NUDT3: variants seen among roughly 807,000 people sequenced by gnomAD.
NUDT3 encodes nudix hydrolase 3.
NUDT3 carries 9 observed loss-of-function variants against 23.6 expected under a neutral mutation model. That is an observed-to-expected ratio of 0.38 (90% CI 0.23 to 0.66). The LOEUF is 0.66. Among genes scored for constraint, NUDT3 ranks in the 30% least tolerant of loss-of-function variants. The pLI is 0.52. For missense variants in NUDT3, 172 were observed against 218.5 expected (o/e 0.79, Z 1.34); for synonymous variants, 86 against 82.6 (o/e 1.04, Z -0.22).
Position 34,281,851 on chromosome 6 carries a change from G to A in NUDT3, c.*6902C>T, listed in dbSNP as rs1024926538. On this transcript the variant is annotated 3_prime_UTR_variant, in exon 5 of 5. Coordinates refer to ENST00000607016, the MANE Select transcript of NUDT3 (RefSeq NM_006703.4). ...CCCAGTCACGAGGGATGGGGTGAGC[G>A]GGCAGGTTTCTGTCTGTGAGCTATA... 1.3e-5 allele frequency: 2 copies of A among 152,170 alleles called. No individual in the cohort carries two copies. Among genetic ancestry groups the A allele is most frequent in the African/African-American group, 2.4e-5 (1 of 41,420 alleles). The allele number at this position is 152,170 out of a possible 1,614,324, so 9.4% of individuals were successfully genotyped here.
intron 1 of NUDT3, among the ~76,000 whole-genome samples, chr6:34,363,344 T>C (rs1764677624): frequency 6.6e-6 from 1 of 152,168 alleles, no homozygotes; most frequent in African/African-American, 2.4e-5. Flanking sequence ...TTTAGTCACT[T>C]TCACTCAAGG....
At chr6:34,384,893 G>A (rs1382497248) in intron 1 of NUDT3, among the ~76,000 whole-genome samples, 1 of 151,932 alleles carries the variant, frequency 6.6e-6, no homozygotes, top group Non-Finnish European at 1.5e-5. Flanking sequence ...GCTGGGCAAG[G>A]TGGCAGGCAC....
chr6:34,353,256 C>T (rs192616949), intron 1 of NUDT3, among the ~76,000 whole-genome samples: 55 of 151,944 alleles, frequency 3.6e-4, no homozygotes, highest in African/African-American at 1.2e-3. Context: ...TTCTGAGAGC[C>T]CCTTCCTTTT....
intron 1 of NUDT3, among the ~76,000 whole-genome samples, chr6:34,345,422 GGGA>G (rs1764351485): frequency 6.6e-6 from 1 of 151,722 alleles, no homozygotes; most frequent in Non-Finnish European, 1.5e-5. Context: ...CCAGCACTTA[GGGA>G]GGTCGAGGCG....
chr6:34,329,668 ATACTT>A (rs977452082), intron 2 of NUDT3, among the ~76,000 whole-genome samples: 6 of 152,138 alleles, frequency 3.9e-5, no homozygotes, highest in African/African-American at 1.4e-4. Flanking sequence ...TTTTTTTATT[ATACTT>A]TAAGTTCTAG....
intron 2 of NUDT3, among the ~76,000 whole-genome samples, chr6:34,324,386 C>T (rs1054464448): frequency 2.0e-5 from 3 of 151,458 alleles, no homozygotes; most frequent in African/African-American, 7.3e-5. Flanking sequence ...AGAATAAGAG[C>T]CTTGTTTAGA....
chr6:34,284,539 T>G lies in NUDT3; in HGVS notation c.*4214A>C, dbSNP rs931642677. 8 of 151,846 alleles carry G rather than the reference T, an allele frequency of 5.3e-5. No homozygotes were observed. Among genetic ancestry groups the G allele is most frequent in the South Asian group, 2.1e-4 (1 of 4,816 alleles). The allele number at this position is 151,846 out of a possible 1,614,324, so 9.4% of individuals were successfully genotyped here. Reference sequence around the variant, plus strand: ...TGTGGCTTAGGCTAAGCTGTTTTTTTTTTTTTTTTTTTAAAGATGAGGATG... The same window carrying G: ...TGTGGCTTAGGCTAAGCTGTTTTTTGTTTTTTTTTTTTAAAGATGAGGATG... On this transcript the variant is annotated 3_prime_UTR_variant, in exon 5 of 5. Coordinates refer to ENST00000607016, the MANE Select transcript of NUDT3 (RefSeq NM_006703.4).
chr6:34,320,384 G>A (rs368684571), intron 2 of NUDT3, among the ~76,000 whole-genome samples: 7 of 151,962 alleles, frequency 4.6e-5, no homozygotes, highest in African/African-American at 1.4e-4. Context: ...CTGCCACCAC[G>A]CCCAGCTGAT....
At chr6:34,316,188 G>GT (rs1462194869) in intron 2 of NUDT3, among the ~76,000 whole-genome samples, 2 of 152,040 alleles carry the variant, frequency 1.3e-5, no homozygotes, top group Non-Finnish European at 2.9e-5. Context: ...TTTTGAGAGT[G>GT]TTTTTATGGC....
chr6:34,347,155 C>G (rs116527172), intron 1 of NUDT3, among the ~76,000 whole-genome samples: 2,204 of 152,220 alleles, frequency 0.014, 20 homozygotes, highest in Non-Finnish European at 0.021. Context: ...AATTCTTATT[C>G]TGAAGTTTGA....
intron 2 of NUDT3, among the ~76,000 whole-genome samples, chr6:34,329,198 G>A (rs1431861144): frequency 6.6e-6 from 1 of 151,958 alleles, no homozygotes; most frequent in Non-Finnish European, 1.5e-5. Flanking sequence ...TGTGTGTTGT[G>A]TATATATATA....
At chr6:34,317,606 G>A (rs1763881886) in intron 2 of NUDT3, among the ~76,000 whole-genome samples, 1 of 152,022 alleles carries the variant, frequency 6.6e-6, no homozygotes. Context: ...TTTTAGCTGA[G>A]GCCCTAGACA....
intron 3 of NUDT3, 116 bp from the exon 4 acceptor site, chr6:34,293,651 T>A: frequency 8.2e-7 from 1 of 1,219,002 alleles, no homozygotes; most frequent in Non-Finnish European, 1.1e-6. Context: ...GATTCTAAAC[T>A]TTTACTTTTT....
intron 1 of NUDT3, among the ~76,000 whole-genome samples, chr6:34,344,895 C>T (rs1764340766): frequency 6.6e-6 from 1 of 152,068 alleles, no homozygotes; most frequent in Non-Finnish European, 1.5e-5. Context: ...TCATGATCCA[C>T]CCACCTCGGC....
intron 4 of NUDT3, among the ~76,000 whole-genome samples, chr6:34,292,071 G>A (rs1452376884): frequency 2.6e-5 from 4 of 152,186 alleles, no homozygotes; most frequent in Non-Finnish European, 5.9e-5. Flanking sequence ...AAAAAAATTA[G>A]TATCACAAGT....
chr6:34,360,549 C>T (rs1274862894), intron 1 of NUDT3, among the ~76,000 whole-genome samples: 9 of 151,938 alleles, frequency 5.9e-5, no homozygotes, highest in African/African-American at 2.2e-4. Context: ...TGCCACTAGG[C>T]GACAGAGCAA....
chr6:34,367,450 AC>A (rs1283852122), intron 1 of NUDT3, among the ~76,000 whole-genome samples: 25 of 151,612 alleles, frequency 1.6e-4, no homozygotes, highest in Non-Finnish European at 3.2e-4. Flanking sequence ...CCATTGAACT[AC>A]AGCCTGGACG....
intron 1 of NUDT3, among the ~76,000 whole-genome samples, chr6:34,347,355 T>C (rs1267105876): frequency 6.6e-6 from 1 of 152,226 alleles, no homozygotes; most frequent in Non-Finnish European, 1.5e-5. Flanking sequence ...GGAAACCAGC[T>C]GACCAGGTAT....
At chr6:34,354,265 C>A (rs80125975) in intron 1 of NUDT3, among the ~76,000 whole-genome samples, 2,674 of 152,076 alleles carry the variant, frequency 0.018, 61 homozygotes, top group African/African-American at 0.06. Flanking sequence ...CCCACCTTAA[C>A]CTGCCAAAGT....
Sources: allele counts gnomAD v4.1 joint callset (sites outside exome capture counted in the v4.1 genomes callset), GRCh38; gene constraint gnomAD v4.1.1; transcripts MANE v1.5; gene names NCBI Gene and HGNC (gene_info 2026-07-23, HGNC 2026-07-21).